Variants in SLC24A2 observed in about 807,000 individuals in gnomAD.
The protein encoded by SLC24A2 is solute carrier family 24 member 2, also known as sodium/potassium/calcium exchanger 2.
A neutral mutation model predicts 62.0 loss-of-function variants in SLC24A2; 36 were observed. The ratio of observed to expected loss-of-function variants is 0.58; its 90% CI spans 0.44 to 0.77. SLC24A2 has a LOEUF of 0.77. Ranked by LOEUF, SLC24A2 falls within the 30% of genes least tolerant of loss-of-function variation. The pLI is 0.00. For synonymous variants in SLC24A2, 358 were observed against 294.0 expected (o/e 1.22, Z -2.23); for missense variants, 846 against 817.9 (o/e 1.03, Z -0.42).
At chr9:19,967,578 T>G in the SLC24A2 span, 1 of 152,236 alleles carries the variant, frequency 6.6e-6, no homozygotes, top group African/African-American at 2.4e-5. Context: ...CTTTCCATGC[T>G]TCCAGTTCTT....
the SLC24A2 span, among the ~76,000 whole-genome samples, chr9:20,258,371 G>T: frequency 2.6e-5 from 4 of 152,332 alleles, no homozygotes; most frequent in East Asian, 7.7e-4. Context: ...GCTGCCCCAG[G>T]TTTATCTTTG....
the SLC24A2 span, among the ~76,000 whole-genome samples, chr9:20,155,162 A>C: frequency 6.6e-6 from 1 of 150,768 alleles, no homozygotes; most frequent in Non-Finnish European, 1.5e-5. Context: ...AAAAAAAAAA[A>C]CTAGGGTGGC....
At chr9:20,167,843 C>T in the SLC24A2 span, among the ~76,000 whole-genome samples, 1 of 151,802 alleles carries the variant, frequency 6.6e-6, no homozygotes, top group Non-Finnish European at 1.5e-5. Flanking sequence ...CCTCAACTTC[C>T]CAGGTATCTG....
chr9:19,541,982 G>A (rs1360331863), intron 8 of SLC24A2, among the ~76,000 whole-genome samples: 1 of 152,198 alleles, frequency 6.6e-6, no homozygotes, highest in Non-Finnish European at 1.5e-5. Flanking sequence ...GGTGCCGTCT[G>A]TCACCCCTTT....
chr9:20,102,093 G>T, the SLC24A2 span, among the ~76,000 whole-genome samples: 1 of 152,112 alleles, frequency 6.6e-6, no homozygotes, highest in Non-Finnish European at 1.5e-5. Flanking sequence ...CAAACCTTGG[G>T]TACTCACCCA....
At chr9:19,755,995 C>T (rs1822129424) in intron 2 of SLC24A2, among the ~76,000 whole-genome samples, 1 of 152,164 alleles carries the variant, frequency 6.6e-6, no homozygotes, top group African/African-American at 2.4e-5. Flanking sequence ...GAGAGACAAT[C>T]CCTTTGCAGT....
chr9:19,699,059 G>A (rs1041023046), intron 2 of SLC24A2, among the ~76,000 whole-genome samples: 3 of 152,120 alleles, frequency 2.0e-5, no homozygotes, highest in African/African-American at 7.2e-5. Flanking sequence ...CTACAAAGAT[G>A]AATAAGATGG....
chr9:19,555,720 G>A (rs1379544126), intron 7 of SLC24A2, among the ~76,000 whole-genome samples: 1 of 152,172 alleles, frequency 6.6e-6, no homozygotes, highest in Non-Finnish European at 1.5e-5. Context: ...CAAGGCAGGT[G>A]GATCACTTGA....
chr9:20,063,632 T>G, the SLC24A2 span, among the ~76,000 whole-genome samples: 2,365 of 152,138 alleles, frequency 0.016, 26 homozygotes, highest in Non-Finnish European at 0.027. Context: ...CCCTAAAACT[T>G]AAAGTATAAT....
chr9:19,658,912 G>T (rs1433893510), intron 2 of SLC24A2, among the ~76,000 whole-genome samples: 3 of 152,172 alleles, frequency 2.0e-5, no homozygotes, highest in Non-Finnish European at 4.4e-5. Context: ...TCTCTCCCTT[G>T]AACCTTCACG....
intron 2 of SLC24A2, among the ~76,000 whole-genome samples, chr9:19,638,724 A>T (rs562294443): frequency 6.6e-6 from 1 of 152,302 alleles, no homozygotes; most frequent in South Asian, 2.1e-4. Context: ...GTACCTACAC[A>T]TATTAAAATG....
At chr9:19,832,054 T>C in the SLC24A2 span, among the ~76,000 whole-genome samples, 1 of 152,194 alleles carries the variant, frequency 6.6e-6, no homozygotes, top group African/African-American at 2.4e-5. Context: ...TAGATTTAGA[T>C]CACATCTTTG....
the SLC24A2 span, among the ~76,000 whole-genome samples, chr9:20,105,607 A>G: frequency 6.6e-6 from 1 of 152,132 alleles, no homozygotes; most frequent in African/African-American, 2.4e-5. Flanking sequence ...TACTGGGTAC[A>G]TAATGAAATG....
chr9:20,063,015 G>GAAAT, the SLC24A2 span, among the ~76,000 whole-genome samples: 1 of 118,954 alleles, frequency 8.4e-6, no homozygotes, highest in Non-Finnish European at 1.7e-5. Flanking sequence ...AGGATATGGA[G>GAAAT]AAATAGGAAC....
chr9:19,613,676 T>C (rs1161881384), intron 4 of SLC24A2, among the ~76,000 whole-genome samples: 1 of 152,066 alleles, frequency 6.6e-6, no homozygotes, highest in Non-Finnish European at 1.5e-5. Context: ...ATAACAATAA[T>C]AATAAAATCC....
chr9:19,828,722 G>A, the SLC24A2 span, among the ~76,000 whole-genome samples: 1 of 152,150 alleles, frequency 6.6e-6, no homozygotes, highest in African/African-American at 2.4e-5. Context: ...ATTACAAAAA[G>A]TGAACAGGTG....
At chr9:20,154,095 T>C in the SLC24A2 span, among the ~76,000 whole-genome samples, 1 of 151,902 alleles carries the variant, frequency 6.6e-6, no homozygotes, top group African/African-American at 2.4e-5. Flanking sequence ...CTCTATACTG[T>C]TACTCCAGTT....
At chr9:19,938,737 G>A in the SLC24A2 span, among the ~76,000 whole-genome samples, 14 of 152,228 alleles carry the variant, frequency 9.2e-5, no homozygotes, top group African/African-American at 3.4e-4. Flanking sequence ...TGAGATGACT[G>A]AGATGTTTTA....
intron 2 of SLC24A2, among the ~76,000 whole-genome samples, chr9:19,769,399 T>G (rs988578115): frequency 6.6e-6 from 1 of 152,232 alleles, no homozygotes; most frequent in Non-Finnish European, 1.5e-5. Flanking sequence ...GTCACTCTGC[T>G]CACACACTTG....
Sources: allele counts gnomAD v4.1 joint callset (sites outside exome capture counted in the v4.1 genomes callset), GRCh38; gene constraint gnomAD v4.1.1; transcripts MANE v1.5; gene names NCBI Gene and HGNC (gene_info 2026-07-23, HGNC 2026-07-21).